Variants in RASAL2 observed in about 807,000 individuals in gnomAD.
The protein encoded by RASAL2 is ras GTPase-activating protein nGAP.
A neutral mutation model predicts 128.9 loss-of-function variants in RASAL2; 58 were observed. The observed-to-expected ratio is 0.45, with a 90% CI of 0.36 to 0.56. RASAL2 has a LOEUF of 0.56. RASAL2 is among the 20% of genes least tolerant of loss of function. RASAL2 has a pLI of 0.00. For missense variants in RASAL2, 1,360 were observed against 1,601.6 expected (o/e 0.85, Z 2.57); for synonymous variants, 561 against 580.8 (o/e 0.97, Z 0.49).
intron 3 of RASAL2, among the ~76,000 whole-genome samples, chr1:178,340,470 A>G (rs940378570): frequency 1.3e-5 from 2 of 152,206 alleles, no homozygotes; most frequent in African/African-American, 4.8e-5. Context: ...AAACCCTAGA[A>G]ATATGACTGA....
At chr1:178,381,373 C>T (rs200620525) in intron 3 of RASAL2, among the ~76,000 whole-genome samples, 1 of 152,070 alleles carries the variant, frequency 6.6e-6, no homozygotes, top group African/African-American at 2.4e-5. Context: ...GGAAATAAGA[C>T]AAAATGAAGC....
At chr1:178,419,655 A>T (rs541938801) in intron 4 of RASAL2, among the ~76,000 whole-genome samples, 1 of 152,166 alleles carries the variant, frequency 6.6e-6, no homozygotes, top group Non-Finnish European at 1.5e-5. Context: ...AAATTTCTTG[A>T]AAGTAGTGAC....
At chr1:178,289,612 G>C (rs945140749) in intron 2 of RASAL2, among the ~76,000 whole-genome samples, 2 of 151,976 alleles carry the variant, frequency 1.3e-5, no homozygotes, top group Non-Finnish European at 2.9e-5. Flanking sequence ...ACTGCACCAG[G>C]CCATCTCTCT....
chr1:178,248,812 G>A (rs1411138838), intron 1 of RASAL2, among the ~76,000 whole-genome samples: 1 of 152,126 alleles, frequency 6.6e-6, no homozygotes, highest in Non-Finnish European at 1.5e-5. Context: ...TAGTTTAGCT[G>A]GATATGAAAT....
At chr1:178,439,836 A>C (rs1165393234) in intron 6 of RASAL2, among the ~76,000 whole-genome samples, 1 of 152,054 alleles carries the variant, frequency 6.6e-6, no homozygotes, top group South Asian at 2.1e-4. Context: ...CATTTTCATC[A>C]GGGGACAAGA....
At chr1:178,159,791 A>G (rs1413910992) in intron 1 of RASAL2, among the ~76,000 whole-genome samples, 1 of 152,004 alleles carries the variant, frequency 6.6e-6, no homozygotes, top group Non-Finnish European at 1.5e-5. Context: ...TGATTATCCC[A>G]GCTACTCGGG....
chr1:178,172,512 G>C (rs893407243), intron 1 of RASAL2, among the ~76,000 whole-genome samples: 1 of 151,968 alleles, frequency 6.6e-6, no homozygotes, highest in African/African-American at 2.4e-5. Flanking sequence ...CCTATTGCCC[G>C]CTTGTTGTAG....
intron 4 of RASAL2, among the ~76,000 whole-genome samples, chr1:178,392,925 T>G (rs1227444113): frequency 6.6e-6 from 1 of 152,214 alleles, no homozygotes. Context: ...AAATTTATAC[T>G]TTTAAAAACT....
At chr1:178,149,932 A>G (rs1039426426) in intron 1 of RASAL2, among the ~76,000 whole-genome samples, 4 of 151,976 alleles carry the variant, frequency 2.6e-5, no homozygotes, top group Non-Finnish European at 5.9e-5. Context: ...AACTGCCACA[A>G]CCCCCAGTAT....
In RASAL2 at chr1:178,106,980, G is replaced by A. The variant is rs114665522; in HGVS notation, c.202+12286G>A. On this transcript the variant is annotated intron_variant, in intron 1 of 17. Transcript: ENST00000367649. ...TAATAAATTTCCTCATATATATCCA[G>A]TAATATTATTCTGTTTACCTGTGAG... Among the ~76,000 whole-genome samples, 994 of 152,144 alleles carry A rather than the reference G, an allele frequency of 6.5e-3. 5 individuals carry two copies. The highest frequency in any genetic ancestry group is 0.01 in the Middle Eastern group (3 of 294).
At chr1:178,319,913 A>G (rs1053330917) in intron 3 of RASAL2, among the ~76,000 whole-genome samples, 1 of 152,024 alleles carries the variant, frequency 6.6e-6, no homozygotes, top group African/African-American at 2.4e-5. Flanking sequence ...TTTTTTCTCC[A>G]TCTTTGTGGT....
chr1:178,129,325 T>G (rs1037643722), intron 1 of RASAL2, among the ~76,000 whole-genome samples: 15 of 152,158 alleles, frequency 9.9e-5, no homozygotes, highest in Admixed American at 3.9e-4. Flanking sequence ...GGTTTTAACT[T>G]GTATTTTTTG....
rs952781178 is a variant in RASAL2, at chr1:178,362,186, A to G, written c.458-27914A>G. Among the ~76,000 whole-genome samples, 9 of 152,206 alleles carry G rather than the reference A, an allele frequency of 5.9e-5. 1 individual carries two copies. The highest frequency in any genetic ancestry group is 1.2e-4 in the Non-Finnish European group (8 of 68,036). On this transcript the variant is annotated intron_variant, in intron 3 of 17. Transcript: ENST00000367649. ...GATTTACATTGTATTAGGTATTACA[A>G]GTAATCTAGAGATGATTTAAAGTAC...
intron 4 of RASAL2, chr1:178,411,491 A>G: frequency 3.9e-6 from 2 of 517,174 alleles, no homozygotes; most frequent in Non-Finnish European, 7.0e-6. Flanking sequence ...CTCACAAATC[A>G]CCACTAAAGA....
At chr1:178,119,935 C>T (rs1031151441) in intron 1 of RASAL2, among the ~76,000 whole-genome samples, 2 of 152,212 alleles carry the variant, frequency 1.3e-5, no homozygotes, top group Non-Finnish European at 2.9e-5. Context: ...TTGTCCTTAA[C>T]AGCAAACAGG....
intron 12 of RASAL2, 141 bp downstream of exon 12, chr1:178,454,789 C>A: frequency 1.5e-6 from 1 of 651,122 alleles, no homozygotes; most frequent in Non-Finnish European, 2.5e-6. Flanking sequence ...GTCATCATTT[C>A]TGAGTAAAAT....
At chr1:178,241,406 G>A (rs1664492175) in intron 1 of RASAL2, among the ~76,000 whole-genome samples, 1 of 152,122 alleles carries the variant, frequency 6.6e-6, no homozygotes, top group East Asian at 1.9e-4. Context: ...TGTGGAGAAA[G>A]TAATAAGTTC....
At chr1:178,147,813 TA>T (rs1660782822) in intron 1 of RASAL2, among the ~76,000 whole-genome samples, 1 of 152,184 alleles carries the variant, frequency 6.6e-6, no homozygotes, top group African/African-American at 2.4e-5. Context: ...CTCACACCTG[TA>T]ATCCCAGCAC....
rs138281485 is a variant in RASAL2, at chr1:178,434,267, A to G, written c.675-5155A>G. ...AAGGAATTGTTCCCTAGTGTCTATCATATTGGAGGCAAGTTGGATTTTCTA... is the reference window on the plus strand; with the variant it reads ...AAGGAATTGTTCCCTAGTGTCTATCGTATTGGAGGCAAGTTGGATTTTCTA... On this transcript the variant is annotated intron_variant, in intron 5 of 17. Coordinates refer to ENST00000367649, the MANE Select transcript of RASAL2 (RefSeq NM_170692.4). 7.4e-3 allele frequency among the ~76,000 whole-genome samples: 1,133 copies of G among 152,218 alleles called. 17 individuals carry two copies. Among genetic ancestry groups the G allele is most frequent in the African/African-American group, 0.026 (1,071 of 41,552 alleles).
Sources: allele counts gnomAD v4.1 joint callset (sites outside exome capture counted in the v4.1 genomes callset), GRCh38; gene constraint gnomAD v4.1.1; transcripts MANE v1.5; gene names NCBI Gene and HGNC (gene_info 2026-07-23, HGNC 2026-07-21).